Variants in LMBR1 observed in about 807,000 individuals in gnomAD.
The protein encoded by LMBR1 is limb development membrane protein 1, also known as limb region 1 protein homolog.
In LMBR1, 52 loss-of-function variants were observed where a neutral mutation model predicts 73.9. The observed-to-expected ratio is 0.70, with a 90% CI of 0.56 to 0.89. The LOEUF (loss-of-function observed/expected upper bound fraction) is 0.89. Among genes scored for constraint, LMBR1 ranks in the 40% least tolerant of loss-of-function variants. The probability of loss-of-function intolerance (pLI) is 0.00; values close to 1 mark genes in which losing one functional copy is unlikely to be tolerated. For synonymous variants in LMBR1, 215 were observed against 209.4 expected (o/e 1.03, Z -0.23); for missense variants, 539 against 579.8 (o/e 0.93, Z 0.72).
At chr7:156,858,206 A>G (rs1016981447) in intron 1 of LMBR1, among the ~76,000 whole-genome samples, 1 of 152,130 alleles carries the variant, frequency 6.6e-6, no homozygotes, top group Admixed American at 6.5e-5. Flanking sequence ...AGGCCAACCA[A>G]GTAGAAAAAG....
At chr7:156,716,082 A>C (rs866611998) in intron 15 of LMBR1, among the ~76,000 whole-genome samples, 1 of 152,220 alleles carries the variant, frequency 6.6e-6, no homozygotes, top group South Asian at 2.1e-4. Context: ...TGTGAAAAAT[A>C]AAAAGATGCA....
At chr7:156,788,593 C>A (rs903679757) in intron 5 of LMBR1, among the ~76,000 whole-genome samples, 1 of 151,232 alleles carries the variant, frequency 6.6e-6, no homozygotes, top group African/African-American at 2.4e-5. Flanking sequence ...CCAAACCCCA[C>A]ATTCACAGGC....
intron 9 of LMBR1, among the ~76,000 whole-genome samples, chr7:156,750,998 T>TAC (rs1820773746): frequency 6.6e-6 from 1 of 152,034 alleles, no homozygotes; most frequent in Non-Finnish European, 1.5e-5. Flanking sequence ...TAGTCTTAGC[T>TAC]ACTCAAGAGG....
chr7:156,857,318 A>G (rs550558009), intron 1 of LMBR1, among the ~76,000 whole-genome samples: 3 of 152,328 alleles, frequency 2.0e-5, no homozygotes, highest in Non-Finnish European at 4.4e-5. Flanking sequence ...AACAATAATC[A>G]AGAGAACGGC....
chr7:156,854,725 T>G (rs925291805), intron 1 of LMBR1, among the ~76,000 whole-genome samples: 4 of 152,156 alleles, frequency 2.6e-5, no homozygotes, highest in African/African-American at 7.2e-5. Context: ...ATAGGCTCCA[T>G]AAAAGACTGA....
At chr7:156,710,091 G>C (rs1304412343) in intron 15 of LMBR1, among the ~76,000 whole-genome samples, 1 of 151,686 alleles carries the variant, frequency 6.6e-6, no homozygotes, top group African/African-American at 2.4e-5. Flanking sequence ...TTTTTTAGTA[G>C]AGACGGGGTT....
rs1168743654 is a variant in LMBR1 at position 156,682,259 on chromosome 7, T to C, written c.*1819A>G. ...AAAATTTTCAGACATTTTCCAAGTA[T>C]CTAGGAACTCTTTGGATGTGCCTGA... On this transcript the variant is annotated 3_prime_UTR_variant, in exon 17 of 17. Coordinates refer to ENST00000353442, the MANE Select transcript of LMBR1 (RefSeq NM_022458.4). The C allele has an allele frequency of 1.3e-5, 2 of 152,140 alleles. No homozygotes were observed. The highest frequency in any genetic ancestry group is 4.8e-5 in the African/African-American group (2 of 41,398). The allele number at this position is 152,140 out of a possible 1,614,324, so 9.4% of individuals were successfully genotyped here.
At chr7:156,871,015 A>G (rs978855004) in intron 1 of LMBR1, among the ~76,000 whole-genome samples, 38 of 151,962 alleles carry the variant, frequency 2.5e-4, no homozygotes, top group African/African-American at 8.2e-4. Flanking sequence ...AAACAACAAA[A>G]CTAAGAGTTG....
In LMBR1 at chr7:156,804,005, AG is replaced by A. The variant is rs1347479700; in HGVS notation, c.320-7514del. On this transcript the variant is annotated intron_variant, in intron 4 of 16. Coordinates refer to ENST00000353442, the MANE Select transcript of LMBR1 (RefSeq NM_022458.4). Reference sequence around the variant, plus strand: ...CCGGGGACTGTTGTGGGGTGGGGGGAGGGGGGAGGGATAGCATTAGGAGATA... The same window carrying A: ...CCGGGGACTGTTGTGGGGTGGGGGGAGGGGGAGGGATAGCATTAGGAGATA... 9.2e-4 allele frequency among the ~76,000 whole-genome samples: 36 copies of A among 38,932 alleles called. 1 individual carries two copies. Among genetic ancestry groups the A allele is most frequent in the African/African-American group, 3.4e-3 (32 of 9,290 alleles). 25.5% of individuals were successfully genotyped at this position (38,932 alleles called of 152,430 possible). A position where few individuals can be genotyped will look rare whatever the true frequency, so the allele number is the denominator to read the frequency against.
At chr7:156,872,103 G>C (rs1156260329) in intron 1 of LMBR1, 1 of 152,062 alleles carries the variant, frequency 6.6e-6, no homozygotes, top group African/African-American at 2.4e-5. Flanking sequence ...CAGTATCGTA[G>C]CCAGTCAGGT....
intron 1 of LMBR1, among the ~76,000 whole-genome samples, chr7:156,874,624 C>G (rs1470276799): frequency 6.6e-6 from 1 of 152,260 alleles, no homozygotes; most frequent in South Asian, 2.1e-4. Context: ...CATCACAGGA[C>G]TCTGTGCAGA....
chr7:156,893,040 C>T lies in LMBR1; in HGVS notation c.-47G>A. On this transcript the variant is annotated 5_prime_UTR_variant, in exon 1 of 17. The change creates a premature stop within an existing upstream ORF in the 5' untranslated region. Transcript: ENST00000353442. ...CGCCGCCCGCGTCCGCGTGCTCCGC[C>T]ACACCATCGTCCGCCCGCCGCAGGG... is the stretch of plus-strand genomic sequence containing the variant. The T allele has an allele frequency of 3.5e-6, 5 of 1,424,828 alleles. No homozygotes were observed. The highest frequency in any genetic ancestry group is 4.6e-6 in the Non-Finnish European group (5 of 1,090,948). 88.3% of individuals were successfully genotyped at this position (1,424,828 alleles called of 1,614,324 possible). A position where few individuals can be genotyped will look rare whatever the true frequency, so the allele number is the denominator to read the frequency against.
At position 156,688,014 on chromosome 7, in the gene LMBR1, T is replaced by C. The variant is rs1466662100; in HGVS notation, c.1387+16A>G. On this transcript the variant is annotated intron_variant, in intron 16 of 16. Transcript: ENST00000353442. ...TAGTAGAAAGAGGAAAAAATACCCA[T>C]AAACCTCAGGATTACCTAGGGCCTT... is the stretch of plus-strand genomic sequence containing the variant. 2 of 1,554,320 alleles carry C rather than the reference T, an allele frequency of 1.3e-6. No homozygotes were observed. Among genetic ancestry groups the C allele is most frequent in the Non-Finnish European group, 1.7e-6 (2 of 1,156,544 alleles).
intron 1 of LMBR1, among the ~76,000 whole-genome samples, chr7:156,865,736 G>C (rs966103784): frequency 6.6e-6 from 1 of 152,084 alleles, no homozygotes; most frequent in Non-Finnish European, 1.5e-5. Flanking sequence ...TAGACATAGA[G>C]ACCAAAAGAA....
At chr7:156,726,131 G>T in intron 12 of LMBR1, 1 of 253,296 alleles carries the variant, frequency 3.9e-6, no homozygotes, top group Non-Finnish European at 7.4e-6. Context: ...GGGGCAACTT[G>T]CCACTTGAGG....
At chr7:156,875,650 G>A (rs1413504489) in intron 1 of LMBR1, among the ~76,000 whole-genome samples, 1 of 152,086 alleles carries the variant, frequency 6.6e-6, no homozygotes, top group Non-Finnish European at 1.5e-5. Flanking sequence ...AAGGGACTGG[G>A]GCCCTATCTT....
intron 4 of LMBR1, chr7:156,823,617 G>A (rs1349643704): frequency 6.6e-6 from 1 of 152,154 alleles, no homozygotes; most frequent in Non-Finnish European, 1.5e-5. Context: ...TCACTGGAGG[G>A]ATAAATGGTT....
chr7:156,860,139 T>C (rs553594381), intron 1 of LMBR1, among the ~76,000 whole-genome samples: 1 of 152,304 alleles, frequency 6.6e-6, no homozygotes, highest in East Asian at 1.9e-4. Flanking sequence ...AAATAGATTG[T>C]ATTAGTCTGT....
At chr7:156,750,695 T>C (rs116003825) in intron 9 of LMBR1, among the ~76,000 whole-genome samples, 2 of 152,210 alleles carry the variant, frequency 1.3e-5, no homozygotes, top group Non-Finnish European at 2.9e-5. Flanking sequence ...ATGGGACAAA[T>C]GTTTACCACA....
Sources: gnomAD v4.1 joint callset for allele counts (sites outside exome capture counted in the v4.1 genomes callset) on GRCh38, gnomAD v4.1.1 for gene constraint, MANE v1.5 for transcripts, NCBI Gene and HGNC (gene_info 2026-07-23, HGNC 2026-07-21) for gene names.